STXBP4: variants seen among roughly 807,000 people sequenced by gnomAD.
The protein encoded by STXBP4 is syntaxin binding protein 4.
STXBP4 carries 55 observed loss-of-function variants against 76.1 expected under a neutral mutation model. That is an observed-to-expected ratio of 0.72 (90% CI 0.58 to 0.91). The LOEUF is 0.91. Ranked by LOEUF, STXBP4 falls within the 40% of genes least tolerant of loss-of-function variation. STXBP4 has a pLI of 0.00. For synonymous variants in STXBP4, 201 were observed against 220.2 expected, an observed-to-expected ratio of 0.91 and a Z score of 0.77; for missense variants, 618 against 636.9, an observed-to-expected ratio of 0.97 and a Z score of 0.32.
intron 17 of STXBP4, among the ~76,000 whole-genome samples, chr17:55,152,846 G>A: frequency 6.6e-6 from 1 of 152,126 alleles, no homozygotes; most frequent in East Asian, 1.9e-4. Flanking sequence ...ATATATAATA[G>A]CTTTAGACAT....
chr17:54,990,005 T>C (rs1240683460), intron 3 of STXBP4, among the ~76,000 whole-genome samples: 1 of 152,258 alleles, frequency 6.6e-6, no homozygotes, highest in East Asian at 1.9e-4. Flanking sequence ...ATTCTTCAAG[T>C]AGTCTAATAA....
At position 55,170,304 on chromosome 17, in the gene STXBP4, G is replaced by C. The variant is rs1023515042; in HGVS notation, c.*10393G>C. On this transcript the variant is annotated 3_prime_UTR_variant, in exon 18 of 18. Transcript: ENST00000376352. ...ATAAAATATGGTATCTAACATGATAGAAAATGTTTACTAATGTTTAATGAT... is the reference window on the plus strand; with the variant it reads ...ATAAAATATGGTATCTAACATGATACAAAATGTTTACTAATGTTTAATGAT... 6.6e-6 allele frequency: 1 copy of C among 152,032 alleles called. No homozygotes were observed. Among genetic ancestry groups the C allele is most frequent in the Non-Finnish European group, 1.5e-5 (1 of 68,010 alleles). 9.4% of individuals were successfully genotyped at this position (152,032 alleles called of 1,614,324 possible).
intron 16 of STXBP4, among the ~76,000 whole-genome samples, chr17:55,084,244 T>A (rs1323442355): frequency 6.6e-6 from 1 of 152,206 alleles, no homozygotes; most frequent in East Asian, 1.9e-4. Context: ...ATGGTGAGCA[T>A]TTTTTCATGT....
At chr17:55,078,220 C>T in intron 14 of STXBP4, 26 bp downstream of exon 14, 1 of 1,463,534 alleles carries the variant, frequency 6.8e-7, no homozygotes, top group Non-Finnish European at 9.5e-7. Context: ...CTATTACATT[C>T]ATCTTTAAAA....
intron 15 of STXBP4, among the ~76,000 whole-genome samples, chr17:55,080,325 A>T (rs893132023): frequency 1.4e-4 from 22 of 152,178 alleles, no homozygotes; most frequent in Admixed American, 6.6e-5. Context: ...GTCATTCAAC[A>T]CAGAATAAAG....
intron 17 of STXBP4, among the ~76,000 whole-genome samples, chr17:55,148,376 C>T (rs1567782467): frequency 6.6e-6 from 1 of 152,078 alleles, no homozygotes; most frequent in Non-Finnish European, 1.5e-5. Flanking sequence ...TAGGCCCTAA[C>T]TTTATTTGCT....
chr17:55,060,716 C>G (rs1055378398), intron 12 of STXBP4, among the ~76,000 whole-genome samples: 1 of 152,188 alleles, frequency 6.6e-6, no homozygotes, highest in East Asian at 1.9e-4. Flanking sequence ...ACAGAATAAC[C>G]GAGCTTAAGT....
intron 8 of STXBP4, among the ~76,000 whole-genome samples, chr17:55,019,640 A>G (rs1208830612): frequency 6.6e-6 from 1 of 152,048 alleles, no homozygotes; most frequent in Non-Finnish European, 1.5e-5. Context: ...TCTGTTTTGC[A>G]TTTCTGACGT....
At chr17:55,134,604 A>G (rs1016256118) in intron 16 of STXBP4, among the ~76,000 whole-genome samples, 4 of 152,274 alleles carry the variant, frequency 2.6e-5, no homozygotes, top group South Asian at 2.1e-4. Flanking sequence ...TGTGTTATTC[A>G]TCATTACTCT....
Position 55,080,398 on chromosome 17 carries a change from C to A in STXBP4, c.1356-652C>A, listed in dbSNP as rs1020694628. Among the ~76,000 whole-genome samples, 6 of 152,014 alleles carry A rather than the reference C, an allele frequency of 3.9e-5. No individual in the cohort carries two copies. The East Asian group carries it at 1.2e-3, about 29-fold the overall frequency. On this transcript the variant is annotated intron_variant, in intron 15 of 17. Coordinates refer to ENST00000376352, the MANE Select transcript of STXBP4 (RefSeq NM_178509.6). Reference sequence around the variant, plus strand: ...CCCTTTGTGAATTAATATCATTATGCTTAGGAAGATGGAGTATAAATAATG... The same window carrying A: ...CCCTTTGTGAATTAATATCATTATGATTAGGAAGATGGAGTATAAATAATG...
At chr17:55,199,183 G>A in the STXBP4 span, among the ~76,000 whole-genome samples, 1 of 152,222 alleles carries the variant, frequency 6.6e-6, no homozygotes, top group African/African-American at 2.4e-5. Flanking sequence ...TACATTCACA[G>A]CTGTCCAGAT....
the STXBP4 span, among the ~76,000 whole-genome samples, chr17:55,207,863 C>T: frequency 3.9e-5 from 6 of 152,242 alleles, no homozygotes; most frequent in East Asian, 1.2e-3. Context: ...AAAGTGTTAA[C>T]GCCGGTGATC....
chr17:55,181,229 G>T, the STXBP4 span, among the ~76,000 whole-genome samples: 1 of 152,110 alleles, frequency 6.6e-6, no homozygotes, highest in Non-Finnish European at 1.5e-5. Context: ...AACTACCAAG[G>T]TGCTTAGCAA....
intron 16 of STXBP4, among the ~76,000 whole-genome samples, chr17:55,111,373 C>T (rs901335943): frequency 6.6e-6 from 1 of 152,174 alleles, no homozygotes; most frequent in Admixed American, 6.5e-5. Flanking sequence ...GTTCTTTAAA[C>T]ATGTCAAACT....
At chr17:55,191,340 A>T in the STXBP4 span, among the ~76,000 whole-genome samples, 1 of 152,222 alleles carries the variant, frequency 6.6e-6, no homozygotes, top group Non-Finnish European at 1.5e-5. Flanking sequence ...CCGGGGTGGG[A>T]CCTGAGATTC....
chr17:55,140,355 GC>G (rs1433462971), intron 16 of STXBP4, among the ~76,000 whole-genome samples: 3 of 152,086 alleles, frequency 2.0e-5, no homozygotes, highest in African/African-American at 7.2e-5. Context: ...CTTTTGCTCT[GC>G]CCCTTGCTGA....
At chr17:55,208,296 A>T in the STXBP4 span, among the ~76,000 whole-genome samples, 1 of 151,996 alleles carries the variant, frequency 6.6e-6, no homozygotes, top group Non-Finnish European at 1.5e-5. Context: ...TGTTGACTTG[A>T]CTACAGACTG....
intron 12 of STXBP4, among the ~76,000 whole-genome samples, chr17:55,058,190 A>G (rs184412090): frequency 4.6e-5 from 7 of 152,252 alleles, no homozygotes; most frequent in African/African-American, 1.7e-4. Flanking sequence ...AAGCATTCCT[A>G]TTTCTCTACA....
chr17:54,993,949 G>A (rs879756395), intron 4 of STXBP4, among the ~76,000 whole-genome samples: 2 of 152,096 alleles, frequency 1.3e-5, no homozygotes, highest in Non-Finnish European at 1.5e-5. Flanking sequence ...TTCATGGTTT[G>A]CCACCACCCA....
Sources: allele counts gnomAD v4.1 joint callset (sites outside exome capture counted in the v4.1 genomes callset), GRCh38; gene constraint gnomAD v4.1.1; transcripts MANE v1.5; gene names NCBI Gene and HGNC (gene_info 2026-07-23, HGNC 2026-07-21).